GNPTG: variants seen among roughly 807,000 people sequenced by gnomAD.
The protein encoded by GNPTG is N-acetylglucosamine-1-phosphotransferase subunit gamma.
GNPTG carries 46 observed loss-of-function variants against 43.8 expected under a neutral mutation model. The observed-to-expected ratio is 1.05, with a 90% CI of 0.83 to 1.34. GNPTG has a LOEUF of 1.34. Among genes scored for constraint, GNPTG ranks in the 40% most tolerant of loss-of-function variants. The pLI, the probability that GNPTG is intolerant of heterozygous loss-of-function variation, is 0.00. For missense variants in GNPTG, 549 were observed against 411.3 expected (o/e 1.33, Z -2.90); for synonymous variants, 250 against 172.8 (o/e 1.45, Z -3.50).
intron 3 of GNPTG, among the ~76,000 whole-genome samples, chr16:1,356,469 A>T (rs980001105): frequency 2.6e-5 from 4 of 152,126 alleles, no homozygotes; most frequent in African/African-American, 9.7e-5. Flanking sequence ...TCTCAGGAGG[A>T]CAGGCTGCTG....
intron 3 of GNPTG, among the ~76,000 whole-genome samples, chr16:1,354,895 C>G (rs1198142143): frequency 4.0e-5 from 6 of 151,888 alleles, no homozygotes; most frequent in Non-Finnish European, 8.8e-5. Context: ...GATACTCCCC[C>G]GCGTCTGTAG....
At position 1,361,914 on chromosome 16, in the gene GNPTG, C is replaced by T. The variant is rs201992413; in HGVS notation, c.276C>T (p.His92=). 6.2e-6 allele frequency: 10 copies of T among 1,613,682 alleles called. No homozygotes were observed. Among genetic ancestry groups the T allele is most frequent in the African/African-American group, 2.7e-5 (2 of 74,946 alleles). The change falls in exon 5 of 11, where the codon CAC becomes CAT. Residue 92 remains histidine, a synonymous_variant. Transcript: ENST00000204679. ...GCCCGTTCCACAACGTGACCCAGCA[C>T]GAGCAGACCTTCCGCTGGAACGCCT... ...EFCPFHNVTQ[H]EQTFRWNAYS... is the part of the protein sequence containing the mutation.
At position 1,362,274 on chromosome 16, in the gene GNPTG, G is replaced by A. The variant is rs149516834; in HGVS notation, c.480G>A (p.Ala160=). The A allele has an allele frequency of 2.0e-5, 33 of 1,613,262 alleles. No homozygotes were observed. Among genetic ancestry groups the A allele is most frequent in the African/African-American group, 8.0e-5 (6 of 74,938 alleles). ...HVSEPSTCVY[A]LTFETPLVCH... is the part of the protein sequence containing the mutation. ...CCGAGCCGAGCACCTGCGTCTACGC[G>A]CTGACGTTCGAGACCCCCCTCGTCT... Residue 160 remains alanine (A), a synonymous_variant, in exon 7 of 11, where the codon GCG becomes GCA. Transcript: ENST00000204679.
chr16:1,360,068 AC>A (rs2034843192), intron 3 of GNPTG, among the ~76,000 whole-genome samples: 1 of 152,076 alleles, frequency 6.6e-6, no homozygotes, highest in South Asian at 2.1e-4. Flanking sequence ...AGATCGTGCC[AC>A]TGCAATCCAG....
chr16:1,357,156 T>C (rs1022954110), intron 3 of GNPTG, among the ~76,000 whole-genome samples: 3 of 152,046 alleles, frequency 2.0e-5, no homozygotes, highest in Admixed American at 1.3e-4. Context: ...GGGAGGACAG[T>C]GGGTGAGCCT....
intron 3 of GNPTG, among the ~76,000 whole-genome samples, chr16:1,357,482 CTTTATT>C (rs1163688197): frequency 7.2e-6 from 1 of 139,088 alleles, no homozygotes; most frequent in Non-Finnish European, 1.6e-5. Flanking sequence ...TGTATTTCGA[CTTTATT>C]ATTATTATTA....
chr16:1,353,550 G>C (rs920110988), intron 3 of GNPTG, among the ~76,000 whole-genome samples: 1 of 152,142 alleles, frequency 6.6e-6, no homozygotes, highest in Non-Finnish European at 1.5e-5. Context: ...TAGAGACGGG[G>C]TCTTGCTCTC....
At position 1,359,589 on chromosome 16, in the gene GNPTG, G is replaced by C. The variant is rs578121507; in HGVS notation, c.179-2154G>C. On this transcript the variant is annotated intron_variant, in intron 3 of 10. Transcript: ENST00000204679. ...GGCCTCTATGCCAGTCTTTATGCCA[G>C]TATCACACTGTTTTGATCATAACAG... Among the ~76,000 whole-genome samples the C allele has an allele frequency of 1.1e-4, 17 of 152,280 alleles. 1 individual carries two copies. In the East Asian group the frequency reaches 3.3e-3, roughly 29 times the overall value.
At position 1,352,109 on chromosome 16, in the gene GNPTG, G is replaced by A; in HGVS notation, c.60G>A (p.Ala20=). The A allele has an allele frequency of 6.4e-7, 1 of 1,574,700 alleles. No homozygotes were observed. Among genetic ancestry groups the A allele is most frequent in the Non-Finnish European group, 8.6e-7 (1 of 1,161,860 alleles). ...LLLGLSAGGP[A]PAGAAKMKVV... ...CGGTCTCGCTCCCCGTAGGGCCCGC[G>A]CCGGCAGGTGCAGCGAAGATGAAGG... Residue 20 remains alanine (A), a synonymous_variant, in exon 2 of 11, where the codon GCG becomes GCA. Transcript: ENST00000204679.
At chr16:1,358,620 C>G (rs1444109608) in intron 3 of GNPTG, among the ~76,000 whole-genome samples, 1 of 152,082 alleles carries the variant, frequency 6.6e-6, no homozygotes, top group Non-Finnish European at 1.5e-5. Context: ...AGTAGCTTTG[C>G]TGGATCTTAT....
chr16:1,357,323 G>A (rs2034795855), intron 3 of GNPTG, among the ~76,000 whole-genome samples: 1 of 152,144 alleles, frequency 6.6e-6, no homozygotes, highest in Admixed American at 6.5e-5. Flanking sequence ...TCAGGGAACA[G>A]AAGGCCAGGC....
rs375508895 is a variant in GNPTG, at chr16:1,352,254, C to T, written c.126C>T (p.Phe42=). ...CTTCCCGTAGGGTGAACAACCCGTT[C>T]TTGCCTCAGGCCAGTCGCCTCCAGG... ...EPNAFGVNNP[F]LPQASRLQAK... is the part of the protein sequence containing the mutation. The change falls in exon 3 of 11, where the codon TTC becomes TTT. Residue 42 remains phenylalanine, a synonymous_variant. Transcript: ENST00000204679. The T allele has an allele frequency of 1.9e-6, 3 of 1,548,566 alleles. No homozygotes were observed. The African/African-American group carries it at 4.1e-5, about 21-fold the overall frequency.
Position 1,361,963 on chromosome 16 carries a change from G to A in GNPTG, c.317+8G>A. ...CTACAGTGGGATCCTCGGGTGAGTG[G>A]GGCCGGGGCAGGGATCCCAAAGCAG... On this transcript the variant is annotated splice_region_variant and intron_variant, in intron 5 of 10. Coordinates refer to ENST00000204679, the MANE Select transcript of GNPTG (RefSeq NM_032520.5). 1.2e-6 allele frequency: 2 copies of A among 1,613,424 alleles called. No homozygotes were observed. The highest frequency in any genetic ancestry group is 1.1e-5 in the South Asian group (1 of 91,088).
chr16:1,356,337 AGAG>A lies in GNPTG; in HGVS notation c.178+4035_178+4037del, dbSNP rs1473276666. On this transcript the variant is annotated intron_variant, in intron 3 of 10. Coordinates refer to ENST00000204679, the MANE Select transcript of GNPTG (RefSeq NM_032520.5). ...GGGGACGTGCGGGTGAAGCAGGAGC[AGAG>A]GAGAAGCCTCCCGGCAGGGGTGGTG... 5.3e-5 allele frequency among the ~76,000 whole-genome samples: 8 copies of A among 152,160 alleles called. No homozygotes were observed. In the South Asian group the frequency reaches 6.2e-4, roughly 12 times the overall value.
chr16:1,359,300 T>A (rs2034830904), intron 3 of GNPTG, among the ~76,000 whole-genome samples: 1 of 151,938 alleles, frequency 6.6e-6, no homozygotes, highest in Non-Finnish European at 1.5e-5. Flanking sequence ...AGAGTCTAAC[T>A]CTGTAGCCCA....
chr16:1,354,461 C>T (rs1021626082), intron 3 of GNPTG, among the ~76,000 whole-genome samples: 2 of 151,774 alleles, frequency 1.3e-5, no homozygotes, highest in African/African-American at 4.8e-5. Flanking sequence ...TGGTATCCTC[C>T]TGTAATCCCA....
intron 3 of GNPTG, chr16:1,361,503 G>A: frequency 4.2e-6 from 2 of 480,720 alleles, no homozygotes; most frequent in Non-Finnish European, 3.8e-6. Flanking sequence ...AATTAGCCGG[G>A]CATGGTGGCG....
At chr16:1,360,068 A>G (rs954021765) in intron 3 of GNPTG, among the ~76,000 whole-genome samples, 1 of 152,076 alleles carries the variant, frequency 6.6e-6, no homozygotes, top group African/African-American at 2.4e-5. Context: ...AGATCGTGCC[A>G]CTGCAATCCA....
chr16:1,354,486 C>T (rs1439419058), intron 3 of GNPTG, among the ~76,000 whole-genome samples: 2 of 144,170 alleles, frequency 1.4e-5, no homozygotes, highest in African/African-American at 2.6e-5. Flanking sequence ...CTTGGGAGGC[C>T]GAGGCTGGAG....
Sources: allele counts gnomAD v4.1 joint callset (sites outside exome capture counted in the v4.1 genomes callset), GRCh38; gene constraint gnomAD v4.1.1; transcripts MANE v1.5; gene names NCBI Gene and HGNC (gene_info 2026-07-23, HGNC 2026-07-21).